Variants in FAF1 observed in about 807,000 individuals in gnomAD.
FAF1 encodes the protein FAS-associated factor 1.
A neutral mutation model predicts 92.5 loss-of-function variants in FAF1; 25 were observed. The observed-to-expected ratio is 0.27, with a 90% CI of 0.20 to 0.38. The LOEUF (loss-of-function observed/expected upper bound fraction) is 0.38. FAF1 is among the 10% of genes least tolerant of loss of function. The pLI is 1.00. For missense variants in FAF1, 636 were observed against 793.3 expected, an observed-to-expected ratio of 0.80 and a Z score of 2.38; for synonymous variants, 234 against 273.2, an observed-to-expected ratio of 0.86 and a Z score of 1.42.
At chr1:50,880,945 G>A (rs1235101325) in intron 1 of FAF1, among the ~76,000 whole-genome samples, 1 of 152,066 alleles carries the variant, frequency 6.6e-6, no homozygotes, top group Non-Finnish European at 1.5e-5. Flanking sequence ...CTGGACCAGT[G>A]GTTCTCAATG....
Position 50,583,585 on chromosome 1 carries a change from T to C in FAF1, c.1031+67A>G, listed in dbSNP as rs1173629326. ...AACTTTAAACAATCTATAATTAAAA[T>C]TGCCCAAGAAAAATCACAGTAGCAT... On this transcript the variant is annotated intron_variant, in intron 11 of 18. Transcript: ENST00000396153. The surrounding 1 kb of genome is among the most constrained non-coding windows in gnomAD (Gnocchi z 4.2). 2 of 949,674 alleles carry C rather than the reference T, an allele frequency of 2.1e-6. No individual in the cohort carries two copies. Among genetic ancestry groups the C allele is most frequent in the East Asian group, 2.5e-5 (1 of 39,498 alleles). 58.8% of individuals were successfully genotyped at this position (949,674 alleles called of 1,614,324 possible).
intron 4 of FAF1, among the ~76,000 whole-genome samples, chr1:50,784,665 T>C (rs1661298728): frequency 6.6e-6 from 1 of 152,166 alleles, no homozygotes; most frequent in African/African-American, 2.4e-5. Context: ...ATGGTATTTT[T>C]TGCAGAAATA....
chr1:50,643,207 C>T (rs1654430007), intron 8 of FAF1, among the ~76,000 whole-genome samples: 1 of 151,922 alleles, frequency 6.6e-6, no homozygotes, highest in African/African-American at 2.4e-5. Flanking sequence ...ATTTCTTTTT[C>T]TTTCTTTCTT....
At position 50,749,701 on chromosome 1, in the gene FAF1, C is replaced by T. The variant is rs184891473; in HGVS notation, c.368-4926G>A. Among the ~76,000 whole-genome samples, 5 of 151,888 alleles carry T rather than the reference C, an allele frequency of 3.3e-5. No homozygotes were observed. In the East Asian group the frequency reaches 9.7e-4, roughly 30 times the overall value. Reference sequence around the variant, plus strand: ...TATTCAGGAGACTGAGGCAGGAGTACTGCTTGAGACCAGGAGATGGAGGCT... The same window carrying T: ...TATTCAGGAGACTGAGGCAGGAGTATTGCTTGAGACCAGGAGATGGAGGCT... On this transcript the variant is annotated intron_variant, in intron 4 of 18. Transcript: ENST00000396153.
At chr1:50,916,857 A>C (rs1017182941) in intron 1 of FAF1, among the ~76,000 whole-genome samples, 1 of 152,248 alleles carries the variant, frequency 6.6e-6, no homozygotes, top group Non-Finnish European at 1.5e-5. Context: ...CATGGATTAG[A>C]AGCAAAAGAC....
intron 8 of FAF1, among the ~76,000 whole-genome samples, chr1:50,634,060 G>A (rs577623811): frequency 6.6e-6 from 1 of 152,216 alleles, no homozygotes; most frequent in East Asian, 1.9e-4. Flanking sequence ...TCTACATGTA[G>A]AATATTAAAC....
chr1:50,935,747 C>T (rs112780433), intron 1 of FAF1, among the ~76,000 whole-genome samples: 13,168 of 152,228 alleles, frequency 0.087, 592 homozygotes, highest in African/African-American at 0.098. Context: ...GCTGGGATTA[C>T]GGGCATGAGC....
intron 15 of FAF1, among the ~76,000 whole-genome samples, chr1:50,508,312 T>G (rs992221794): frequency 6.6e-6 from 1 of 152,214 alleles, no homozygotes; most frequent in Non-Finnish European, 1.5e-5. Flanking sequence ...TTATTCACAA[T>G]AGCCAAAATG....
chr1:50,779,987 GACAGAC>G (rs530634226), intron 4 of FAF1, among the ~76,000 whole-genome samples: 1,149 of 112,868 alleles, frequency 0.01, 12 homozygotes, highest in African/African-American at 0.039. Context: ...TGCACAGACA[GACAGAC>G]ACACACACAC....
At chr1:50,549,439 G>T (rs1190024864) in intron 13 of FAF1, among the ~76,000 whole-genome samples, 1 of 151,956 alleles carries the variant, frequency 6.6e-6, no homozygotes, top group Non-Finnish European at 1.5e-5. Context: ...CTCCCGAGTA[G>T]CTGGGACTAC....
chr1:50,710,872 G>A (rs1252069148), intron 6 of FAF1, among the ~76,000 whole-genome samples: 1 of 148,872 alleles, frequency 6.7e-6, no homozygotes, highest in Non-Finnish European at 1.5e-5. Context: ...AAAGTGCTGG[G>A]ATTATAGGCA....
rs568416064 is a variant in FAF1 at position 50,948,361 on chromosome 1, C to T, written c.45+11406G>A. Among the ~76,000 whole-genome samples, 145 of 152,218 alleles carry T rather than the reference C, an allele frequency of 9.5e-4. No homozygotes were observed. The South Asian group carries it at 0.012, about 13-fold the overall frequency. The stretch of plus-strand genomic sequence containing the variant: ...CTCAAGCTATACAGAAAGCATGGTG[C>T]CAGCATCCGCTAGCTTCTGGTGAGG... On this transcript the variant is annotated intron_variant, in intron 1 of 18. Coordinates refer to ENST00000396153, the MANE Select transcript of FAF1 (RefSeq NM_007051.3).
chr1:50,919,489 A>ATT (rs753127066), intron 1 of FAF1, among the ~76,000 whole-genome samples: 9 of 143,700 alleles, frequency 6.3e-5, no homozygotes, highest in Admixed American at 1.4e-4. Flanking sequence ...AAATAGAAGA[A>ATT]TTTTTTTTTT....
At chr1:50,452,337 G>C (rs1366702690) in intron 18 of FAF1, 8 of 366,046 alleles carry the variant, frequency 2.2e-5, no homozygotes, top group Non-Finnish European at 4.2e-5. Flanking sequence ...ACCTAATGCA[G>C]ATGAGCCCCA....
chr1:50,797,189 G>A (rs915434771), intron 3 of FAF1, among the ~76,000 whole-genome samples: 1 of 152,064 alleles, frequency 6.6e-6, no homozygotes, highest in Non-Finnish European at 1.5e-5. Context: ...ACCAGTCAAT[G>A]AAGGATCCCA....
chr1:50,649,078 A>G (rs1654738819), intron 8 of FAF1, among the ~76,000 whole-genome samples: 1 of 149,846 alleles, frequency 6.7e-6, no homozygotes, highest in Non-Finnish European at 1.5e-5. Flanking sequence ...CACCGTGTCC[A>G]GCCTTCAGAT....
chr1:50,880,987 A>C lies in FAF1; in HGVS notation c.46-22990T>G, dbSNP rs1445352343. ...ATATAAAAGAATTACCTGGATATAT[A>C]TATATTTTAAATGTCAACATCACTA... is the stretch of plus-strand genomic sequence containing the variant. On this transcript the variant is annotated intron_variant, in intron 1 of 18. Transcript: ENST00000396153. Among the ~76,000 whole-genome samples, 3 of 152,260 alleles carry C rather than the reference A, an allele frequency of 2.0e-5. No individual in the cohort carries two copies. In the East Asian group the frequency reaches 5.8e-4, roughly 29 times the overall value.
At chr1:50,485,667 C>CAAAAAAAAAAAAAAAAAAAAAA (rs999538430) in intron 17 of FAF1, among the ~76,000 whole-genome samples, 5 of 13,718 alleles carry the variant, frequency 3.6e-4, no homozygotes, top group African/African-American at 4.7e-4. Flanking sequence ...GAGACTGTCT[C>CAAAAAAAAAAAAAAAAAAAAAA]AAAAAAAAAA....
intron 2 of FAF1, among the ~76,000 whole-genome samples, chr1:50,838,168 G>GTT (rs1335665936): frequency 6.6e-6 from 1 of 152,080 alleles, no homozygotes; most frequent in Admixed American, 6.5e-5. Context: ...CAACAGGATG[G>GTT]TTTTATGGGC....
Sources: allele counts gnomAD v4.1 joint callset (sites outside exome capture counted in the v4.1 genomes callset), GRCh38; gene constraint gnomAD v4.1.1; non-coding constraint Gnocchi (gnomAD v3.1); transcripts MANE v1.5; gene names NCBI Gene and HGNC (gene_info 2026-07-23, HGNC 2026-07-21).